The following NPAS3 variants were observed in gnomAD, a reference collection of about 807,000 sequenced individuals.
NPAS3 encodes neuronal PAS domain-containing protein 3.
A neutral mutation model predicts 73.1 loss-of-function variants in NPAS3; 14 were observed. The observed-to-expected ratio is 0.19, with a 90% CI of 0.13 to 0.30. The LOEUF (loss-of-function observed/expected upper bound fraction) is 0.30. NPAS3 is among the 10% of genes least tolerant of loss of function. The pLI is 1.00. For synonymous variants in NPAS3, 620 were observed against 541.5 expected, an observed-to-expected ratio of 1.14 and a Z score of -2.01; for missense variants, 1,096 against 1,250.0, an observed-to-expected ratio of 0.88 and a Z score of 1.86.
At chr14:33,526,495 G>A (rs903918674) in intron 4 of NPAS3, among the ~76,000 whole-genome samples, 1 of 151,800 alleles carries the variant, frequency 6.6e-6, no homozygotes, top group Admixed American at 6.6e-5. Flanking sequence ...TGTATACTGG[G>A]CTCTTACAGG....
chr14:33,322,786 A>G (rs2043515440), intron 3 of NPAS3, among the ~76,000 whole-genome samples: 1 of 152,134 alleles, frequency 6.6e-6, no homozygotes, highest in Non-Finnish European at 1.5e-5. Flanking sequence ...GTAATCGTGA[A>G]ATTTCAGGTT....
chr14:33,393,561 G>T (rs565170153), intron 4 of NPAS3, among the ~76,000 whole-genome samples: 2 of 152,232 alleles, frequency 1.3e-5, no homozygotes, highest in East Asian at 3.9e-4. Flanking sequence ...TCCCAAAAAA[G>T]GTCGGGGGAG....
chr14:33,615,130 G>A (rs12880401), intron 5 of NPAS3, among the ~76,000 whole-genome samples: 39,858 of 151,972 alleles, frequency 0.26, 6,146 homozygotes, highest in East Asian at 0.49. Flanking sequence ...AGGGCAATAA[G>A]TAATCCACCA....
intron 5 of NPAS3, among the ~76,000 whole-genome samples, chr14:33,654,790 T>C (rs1414902834): frequency 2.6e-5 from 4 of 152,116 alleles, no homozygotes; most frequent in Admixed American, 2.0e-4. Context: ...CTTCAAAAAA[T>C]CCCGAGTCAA....
intron 5 of NPAS3, among the ~76,000 whole-genome samples, chr14:33,661,464 C>A (rs754233570): frequency 2.6e-5 from 4 of 152,154 alleles, no homozygotes; most frequent in African/African-American, 9.7e-5. Context: ...GTATTCTCTG[C>A]GCAATCACAG....
At chr14:33,772,406 G>A (rs527527042) in intron 7 of NPAS3, among the ~76,000 whole-genome samples, 7 of 152,318 alleles carry the variant, frequency 4.6e-5, no homozygotes, top group Admixed American at 3.9e-4. Context: ...GGAGATCAGA[G>A]GCCAGGTCAA....
At chr14:33,605,523 T>C (rs927430449) in intron 5 of NPAS3, among the ~76,000 whole-genome samples, 3 of 151,612 alleles carry the variant, frequency 2.0e-5, no homozygotes, top group African/African-American at 2.4e-5. Context: ...AACTAATAAA[T>C]GAATTTAGCA....
rs180871662 is a variant in NPAS3, at chr14:33,038,860, A to C, written c.51-17045A>C. 3.7e-3 allele frequency among the ~76,000 whole-genome samples: 560 copies of C among 152,332 alleles called. 6 individuals carry two copies. The highest frequency in any genetic ancestry group is 0.013 in the African/African-American group (537 of 41,568). ...AAGGTCATTGTTGTAAATTAATGGC[A>C]TTTATTGGGAACAAACATTAGAGTT... On this transcript the variant is annotated intron_variant, in intron 1 of 11. Transcript: ENST00000356141.
chr14:33,026,567 T>C lies in NPAS3; in HGVS notation c.51-29338T>C, dbSNP rs2138308427. 2.6e-5 allele frequency among the ~76,000 whole-genome samples: 4 copies of C among 152,170 alleles called. 1 individual carries two copies. The South Asian group carries it at 8.3e-4, about 32-fold the overall frequency. On this transcript the variant is annotated intron_variant, in intron 1 of 11. Transcript: ENST00000356141. The stretch of plus-strand genomic sequence containing the variant: ...TTTTTGTTCCTCTCTGTTCACTGTG[T>C]TCTTCTTGCTGGTTTCTCATATTTT...
chr14:33,026,297 T>C (rs2138305928), intron 1 of NPAS3, among the ~76,000 whole-genome samples: 1 of 152,346 alleles, frequency 6.6e-6, no homozygotes, highest in South Asian at 2.1e-4. Flanking sequence ...GTTTGACCTT[T>C]CTGTGTACCT....
At chr14:33,152,787 G>T (rs1381978767) in intron 2 of NPAS3, among the ~76,000 whole-genome samples, 2 of 150,816 alleles carry the variant, frequency 1.3e-5, no homozygotes, top group East Asian at 3.9e-4. Context: ...CATGTAATGT[G>T]GTGTGAATTT....
chr14:33,301,526 G>A (rs535391240), intron 3 of NPAS3, among the ~76,000 whole-genome samples: 7 of 151,858 alleles, frequency 4.6e-5, no homozygotes, highest in South Asian at 2.1e-4. Flanking sequence ...TTTCAGTGGT[G>A]TACTCCACCA....
intron 9 of NPAS3, among the ~76,000 whole-genome samples, chr14:33,783,946 T>C (rs2138552181): frequency 6.6e-6 from 1 of 152,342 alleles, no homozygotes; most frequent in Admixed American, 6.5e-5. Flanking sequence ...GGGTTTTCTT[T>C]TCCTCTCAAA....
chr14:33,341,687 C>T (rs1465340685), intron 3 of NPAS3, among the ~76,000 whole-genome samples: 1 of 152,142 alleles, frequency 6.6e-6, no homozygotes, highest in Non-Finnish European at 1.5e-5. Flanking sequence ...TGTCATCTGA[C>T]AGGTGTTGAT....
chr14:33,375,493 C>T (rs2046274446), intron 4 of NPAS3, among the ~76,000 whole-genome samples: 1 of 151,974 alleles, frequency 6.6e-6, no homozygotes, highest in Non-Finnish European at 1.5e-5. Context: ...TTTAAGTTCA[C>T]GTATGAACAA....
At chr14:33,599,175 C>G (rs913892145) in intron 5 of NPAS3, among the ~76,000 whole-genome samples, 3 of 152,028 alleles carry the variant, frequency 2.0e-5, no homozygotes, top group African/African-American at 4.8e-5. Flanking sequence ...TTTATGTGTC[C>G]GTATTTATTT....
intron 2 of NPAS3, among the ~76,000 whole-genome samples, chr14:33,091,360 A>G (rs928730590): frequency 2.6e-5 from 4 of 152,176 alleles, no homozygotes; most frequent in Admixed American, 6.5e-5. Flanking sequence ...TACTATAAAC[A>G]CCTCTACACA....
At chr14:33,507,016 A>AG (rs2052797160) in intron 4 of NPAS3, among the ~76,000 whole-genome samples, 1 of 75,200 alleles carries the variant, frequency 1.3e-5, no homozygotes, top group African/African-American at 9.8e-5. Context: ...CTCAGATTGG[A>AG]AAAAAAAAAA....
intron 3 of NPAS3, among the ~76,000 whole-genome samples, chr14:33,303,758 A>G (rs2140161777): frequency 6.6e-6 from 1 of 150,772 alleles, no homozygotes; most frequent in Middle Eastern, 3.4e-3. Context: ...ATATCATGAT[A>G]TTGTTTATTG....
Sources: allele counts gnomAD v4.1 joint callset (sites outside exome capture counted in the v4.1 genomes callset), GRCh38; gene constraint gnomAD v4.1.1; transcripts MANE v1.5; gene names NCBI Gene and HGNC (gene_info 2026-07-23, HGNC 2026-07-21).